NEK4: variants seen among roughly 807,000 people sequenced by gnomAD.
NEK4 encodes NIMA related kinase 4.
NEK4 carries 86 observed loss-of-function variants against 98.4 expected under a neutral mutation model. The ratio of observed to expected loss-of-function variants is 0.87; its 90% CI spans 0.73 to 1.05. The LOEUF (loss-of-function observed/expected upper bound fraction) is 1.05, where lower values mean the gene tolerates loss of function less well. NEK4 is among the 50% of genes least tolerant of loss of function. The probability of loss-of-function intolerance (pLI) is 0.00; values close to 1 mark genes in which losing one functional copy is unlikely to be tolerated. For missense variants in NEK4, 898 were observed against 950.3 expected (o/e 0.94, Z 0.72); for synonymous variants, 328 against 342.2 (o/e 0.96, Z 0.46).
Position 52,711,859 on chromosome 3 carries a change from C to T in NEK4, c.2444G>A (p.Arg815Gln), listed in dbSNP as rs141150064. 168 of 1,591,200 alleles carry T rather than the reference C, an allele frequency of 1.1e-4. No homozygotes were observed. The highest frequency in any genetic ancestry group is 2.3e-4 in the African/African-American group (17 of 74,446). The change falls in exon 16 of 16, where the codon CGG becomes CAG. Residue 815 changes from arginine to glutamine, a missense_variant. Physicochemically the swap from Arg to Gln is conservative, Grantham distance 43 (BLOSUM62 1). Transcript: ENST00000233027. ...TGTATACTTTTCACCCATGTGCTCC[C>T]GCAAACGTACCTATTTGAGAAACAA... ...EDEFDREVRL[R>Q]EHMGEKYTTY...
intron 6 of NEK4, among the ~76,000 whole-genome samples, chr3:52,752,887 T>G (rs1246458621): frequency 1.2e-5 from 1 of 83,404 alleles, no homozygotes; most frequent in Non-Finnish European, 2.2e-5. Flanking sequence ...GCAACAGGAG[T>G]GAAACCCTGC....
rs1471654410 is a variant in NEK4, at chr3:52,760,875, C to A, written c.883G>T (p.Val295Phe). 1.9e-6 allele frequency: 3 copies of A among 1,608,910 alleles called. No individual in the cohort carries two copies. Among genetic ancestry groups the A allele is most frequent in the Non-Finnish European group, 2.6e-6 (3 of 1,175,854 alleles). ...TGATTTGATTCTGCCTCTCCAGAAA[C>A]CACTGTAGCAAAAGGCTTGGATTGA... ...DSQSKPFATV[V>F]SGEAESNHEV... Residue 295 changes from valine (V) to phenylalanine (F), a missense_variant, in exon 6 of 16, where the codon GTT (valine) becomes TTT (phenylalanine). By Grantham distance (50) the Val-to-Phe change is conservative (BLOSUM62 -1). Transcript: ENST00000233027.
chr3:52,753,924 C>T (rs1315048621), intron 6 of NEK4: 3 of 317,370 alleles, frequency 9.5e-6, no homozygotes, highest in South Asian at 2.7e-5. Context: ...AATCCCAGCA[C>T]TTTGAGAGTC....
chr3:52,741,229 T>A (rs1578656262), intron 13 of NEK4, among the ~76,000 whole-genome samples, 182 bp downstream of exon 13: 1 of 96,208 alleles, frequency 1.0e-5, no homozygotes, highest in African/African-American at 4.4e-5. Context: ...AGAGCGAAAC[T>A]CCGTCTCAAA....
chr3:52,744,049 CCACATTCAA>C (rs1561308834), intron 11 of NEK4, among the ~76,000 whole-genome samples, 181 bp downstream of exon 11: 1 of 152,182 alleles, frequency 6.6e-6, no homozygotes, highest in Non-Finnish European at 1.5e-5. Context: ...GATATTTGAA[CCACATTCAA>C]CACCCTATGA....
chr3:52,718,345 C>T (rs1226048708), intron 15 of NEK4, among the ~76,000 whole-genome samples: 2 of 151,320 alleles, frequency 1.3e-5, no homozygotes, highest in South Asian at 2.1e-4. Flanking sequence ...TGGTGGCAGA[C>T]GCCAGTAATC....
rs745485354 is a variant in NEK4, at chr3:52,741,411, C to T, written c.2093G>A (p.Gly698Glu). 1.3e-6 allele frequency: 2 copies of T among 1,578,392 alleles called. No homozygotes were observed. Among genetic ancestry groups the T allele is most frequent in the East Asian group, 4.5e-5 (2 of 44,598 alleles). Residue 698 changes from glycine to glutamate, a missense_variant and splice_region_variant, in exon 13 of 16, where the codon GGG (glycine) becomes GAG (glutamate). Physicochemically the swap from Gly to Glu is moderately conservative, Grantham distance 98. Coordinates refer to ENST00000233027, the MANE Select transcript of NEK4 (RefSeq NM_003157.6). ...GGGAGACAGAAAAACAAGAACTTAC[C>T]CTTCCCCGTAATCCCCATCTGACTT... is the stretch of plus-strand genomic sequence containing the variant. ...TDKSDGDYGEGKGQTNEINAL... is the reference protein window; with the variant it reads ...TDKSDGDYGEEKGQTNEINAL...
At position 52,708,673 on chromosome 3, in the gene NEK4, T is replaced by C. The variant is rs1343790731; in HGVS notation, c.*3104A>G. On this transcript the variant is annotated 3_prime_UTR_variant, in exon 16 of 16. Transcript: ENST00000233027. ...GAATAAAATTTAATAGACAAGTGAT[T>C]TTGTATTTAACATTTCACCTTTATT... 6.6e-6 allele frequency: 1 copy of C among 152,174 alleles called. No individual in the cohort carries two copies. Among genetic ancestry groups the C allele is most frequent in the Admixed American group, 6.5e-5 (1 of 15,276 alleles). The allele number at this position is 152,174 out of a possible 1,614,324, so 9.4% of individuals were successfully genotyped here.
At position 52,743,479 on chromosome 3, in the gene NEK4, C is replaced by T. The variant is rs568440983; in HGVS notation, c.1895-18G>A. ...TGAAGGGCCTGAAAAGGCAAACATC[C>T]CCAGTAGTTGTTTGTGGTGGGCTGC... is the stretch of plus-strand genomic sequence containing the variant. On this transcript the variant is annotated intron_variant, in intron 11 of 15. Coordinates refer to ENST00000233027, the MANE Select transcript of NEK4 (RefSeq NM_003157.6). 7 of 1,593,040 alleles carry T rather than the reference C, an allele frequency of 4.4e-6. No individual in the cohort carries two copies. In the South Asian group the frequency reaches 5.5e-5, roughly 13 times the overall value.
At position 52,739,620 on chromosome 3, in the gene NEK4, T is replaced by C. The variant is rs939324588; in HGVS notation, c.2108A>G (p.Asn703Ser). 6.2e-7 allele frequency: 1 copy of C among 1,613,828 alleles called. No homozygotes were observed. The highest frequency in any genetic ancestry group is 2.2e-5 in the East Asian group (1 of 44,870). Residue 703 changes from asparagine (N) to serine (S), a missense_variant, in exon 14 of 16, where the codon AAT becomes AGT. By Grantham distance (46) the Asn-to-Ser change is conservative. Transcript: ENST00000233027. ...CAATTGTACCAAGGCATTAATTTCA[T>C]TTGTCTGACCTTTCCTGGGGGAAAA... ...GDYGEGKGQT[N>S]EINALVQLMT...
intron 9 of NEK4, among the ~76,000 whole-genome samples, chr3:52,746,526 C>G (rs2097396348): frequency 6.6e-6 from 1 of 152,234 alleles, no homozygotes; most frequent in Non-Finnish European, 1.5e-5. Flanking sequence ...TCAAAATGAT[C>G]TGTCCATCTT....
chr3:52,762,523 A>C (rs1246235946), intron 5 of NEK4, among the ~76,000 whole-genome samples: 1 of 152,218 alleles, frequency 6.6e-6, no homozygotes, highest in Non-Finnish European at 1.5e-5. Context: ...TGATTTTAGC[A>C]ATTAAGCAAA....
rs551101502 is a variant in NEK4, at chr3:52,737,976, G to A, written c.2300-257C>T. On this transcript the variant is annotated intron_variant, in intron 14 of 15. Transcript: ENST00000233027. ...CTACAGGGGCCCACCACCACACCCA[G>A]CTAATTTTTTGTATTTTTAGTAGAC... Among the ~76,000 whole-genome samples, 3 of 152,030 alleles carry A rather than the reference G, an allele frequency of 2.0e-5. No individual in the cohort carries two copies. The East Asian group carries it at 5.8e-4, about 29-fold the overall frequency.
At chr3:52,725,008 G>A (rs529976551) in intron 15 of NEK4, among the ~76,000 whole-genome samples, 1 of 152,042 alleles carries the variant, frequency 6.6e-6, no homozygotes, top group African/African-American at 2.4e-5. Context: ...AAACAGATGG[G>A]CAACTATAAA....
rs1363640537 is a variant in NEK4 at position 52,710,706 on chromosome 3, G to C, written c.*1071C>G. ...GAGCCCCAGAAGTGGAGGTTGCAGT[G>C]AGTTGAGATCATGCCACTGCACTCC... On this transcript the variant is annotated 3_prime_UTR_variant, in exon 16 of 16. Transcript: ENST00000233027. 1 of 152,046 alleles carries C rather than the reference G, an allele frequency of 6.6e-6. No individual in the cohort carries two copies. The highest frequency in any genetic ancestry group is 1.5e-5 in the Non-Finnish European group (1 of 68,028). The allele number at this position is 152,046 out of a possible 1,614,324, so 9.4% of individuals were successfully genotyped here. A position where few individuals can be genotyped will look rare whatever the true frequency, so the allele number is the denominator to read the frequency against.
Position 52,752,006 on chromosome 3 carries a change from T to C in NEK4, c.1294A>G (p.Ile432Val). ...GGTTCATTCTTTTCCCCAGTGACAA[T>C]GTCAGAGGACCACATGGGAATCAGG... ...ENLIPMWSSD[I>V]VTGEKNEPVK... Residue 432 changes from isoleucine (I) to valine (V), a missense_variant, in exon 7 of 16, where the codon ATT (isoleucine) becomes GTT (valine). Coordinates refer to ENST00000233027, the MANE Select transcript of NEK4 (RefSeq NM_003157.6). The C allele has an allele frequency of 1.2e-6, 2 of 1,614,228 alleles. No individual in the cohort carries two copies. Among genetic ancestry groups the C allele is most frequent in the South Asian group, 1.1e-5 (1 of 91,090 alleles).
intron 5 of NEK4, 120 bp downstream of exon 5, chr3:52,763,350 G>T: frequency 9.5e-7 from 1 of 1,055,176 alleles, no homozygotes. Context: ...ATGTAATCAT[G>T]CCATTTTATT....
intron 10 of NEK4, 55 bp from the exon 11 acceptor site, chr3:52,744,360 C>T (rs2097392095): frequency 7.8e-7 from 1 of 1,279,198 alleles, no homozygotes; most frequent in Non-Finnish European, 1.1e-6. Flanking sequence ...TTTTATAACA[C>T]CTACAATCCA....
chr3:52,711,575 C>CA lies in NEK4; in HGVS notation c.*201dup, dbSNP rs981553300. On this transcript the variant is annotated 3_prime_UTR_variant, in exon 16 of 16. Transcript: ENST00000233027. ...GTCCTCACAAAGAGAATATGAAAGC[C>CA]AAAGTTTTTTTTCTTTTGTGATCCT... The CA allele has an allele frequency of 1.4e-5, 6 of 414,572 alleles. No homozygotes were observed. Among genetic ancestry groups the CA allele is most frequent in the African/African-American group, 1.2e-4 (6 of 48,826 alleles). 25.7% of individuals were successfully genotyped at this position (414,572 alleles called of 1,614,324 possible).
Sources: gnomAD v4.1 joint callset for allele counts (sites outside exome capture counted in the v4.1 genomes callset) on GRCh38, gnomAD v4.1.1 for gene constraint, MANE v1.5 for transcripts, NCBI Gene and HGNC (gene_info 2026-07-23, HGNC 2026-07-21) for gene names.